Variants in ZNF345 observed in about 807,000 individuals in gnomAD.
ZNF345 encodes zinc finger protein HZF10.
For synonymous variants in ZNF345, 166 were observed against 187.9 expected (o/e 0.88, Z 0.95); for missense variants, 527 against 589.9 (o/e 0.89, Z 1.10).
chr19:36,876,546 C>G (rs2072884719), intron 2 of ZNF345, among the ~76,000 whole-genome samples: 1 of 152,122 alleles, frequency 6.6e-6, no homozygotes, highest in South Asian at 2.1e-4. Context: ...AATATCTAAA[C>G]TACTATTTAA....
chr19:36,861,119 T>C (rs2072537784), intron 2 of ZNF345, among the ~76,000 whole-genome samples: 1 of 152,222 alleles, frequency 6.6e-6, no homozygotes, highest in Admixed American at 6.5e-5. Flanking sequence ...ATACTCAAGT[T>C]GTCCCAGATT....
chr19:36,877,887 A>T lies in ZNF345; in HGVS notation c.1057A>T (p.Ser353Cys). Residue 353 changes from serine to cysteine, a missense_variant, in exon 3 of 3, where the codon AGT becomes TGT. Physicochemically the swap from Ser to Cys is moderately radical, Grantham distance 112. Transcript: ENST00000420450. ...TAAGGAATGTGGGAAGACCTTTAGT[A>T]GTGGTTCAGACCTTACTCAACATCA... Reference protein sequence around the residue: ...ECKECGKTFSSGSDLTQHHRI... With the variant: ...ECKECGKTFSCGSDLTQHHRI... 1 of 1,613,470 alleles carries T rather than the reference A, an allele frequency of 6.2e-7. No individual in the cohort carries two copies. Among genetic ancestry groups the T allele is most frequent in the Non-Finnish European group, 8.5e-7 (1 of 1,179,828 alleles).
intron 3 of ZNF345, chr19:36,892,426 C>T (rs188677477): frequency 2.1e-5 from 33 of 1,607,928 alleles, no homozygotes; most frequent in Non-Finnish European, 2.8e-5. Flanking sequence ...ACTGAAATGT[C>T]TCTTCTTTAG....
intron 2 of ZNF345, among the ~76,000 whole-genome samples, chr19:36,859,953 T>TG: frequency 6.6e-6 from 1 of 152,054 alleles, no homozygotes; most frequent in African/African-American, 2.4e-5. Flanking sequence ...GTTGCAGATT[T>TG]TTTTGTTTGT....
At chr19:36,852,877 GTT>G (rs974865014) in intron 2 of ZNF345, among the ~76,000 whole-genome samples, 1 of 137,620 alleles carries the variant, frequency 7.3e-6, no homozygotes. Context: ...TGTTTTTTTT[GTT>G]TTTTTTTTTT....
At chr19:36,872,056 C>G (rs539999927) in intron 2 of ZNF345, among the ~76,000 whole-genome samples, 1 of 152,118 alleles carries the variant, frequency 6.6e-6, no homozygotes, top group Admixed American at 6.5e-5. Context: ...CATGAGTCAC[C>G]ATGCCCGGCC....
chr19:36,862,574 G>A (rs1169257124), intron 2 of ZNF345, among the ~76,000 whole-genome samples: 1 of 141,056 alleles, frequency 7.1e-6, no homozygotes, highest in Non-Finnish European at 1.5e-5. Flanking sequence ...TGAAGCAGGA[G>A]AATCACTTGA....
intron 2 of ZNF345, among the ~76,000 whole-genome samples, chr19:36,866,044 T>C (rs2072652692): frequency 6.6e-6 from 1 of 152,188 alleles, no homozygotes; most frequent in Admixed American, 6.5e-5. Context: ...TTTTTAATTA[T>C]TTTATTCAGT....
chr19:36,859,109 T>C (rs902264376), intron 2 of ZNF345, among the ~76,000 whole-genome samples: 2 of 151,204 alleles, frequency 1.3e-5, no homozygotes, highest in African/African-American at 4.9e-5. Context: ...AAAAAAAAAC[T>C]TTCAAAAGCT....
At chr19:36,856,984 C>A (rs1005816799) in intron 2 of ZNF345, among the ~76,000 whole-genome samples, 4 of 151,926 alleles carry the variant, frequency 2.6e-5, no homozygotes, top group African/African-American at 9.7e-5. Flanking sequence ...GATATAACTA[C>A]CATCAAATTG....
In ZNF345 at chr19:36,877,159, G is replaced by T. The variant is rs1229493322; in HGVS notation, c.329G>T (p.Arg110Ile). 1.2e-6 allele frequency: 2 copies of T among 1,614,146 alleles called. No homozygotes were observed. The highest frequency in any genetic ancestry group is 1.7e-6 in the Non-Finnish European group (2 of 1,180,024). ...GGTGCAAACCTTGCTTACCATCAAA[G>T]AATTCATACTGGTGAGAAGCCTTTT... Reference protein sequence around the residue: ...GSGANLAYHQRIHTGEKPFEC... With the variant: ...GSGANLAYHQIIHTGEKPFEC... Residue 110 changes from arginine to isoleucine, a missense_variant, in exon 3 of 3, where the codon AGA (arginine) becomes ATA (isoleucine). Arg to Ile is a moderately conservative substitution (Grantham distance 97, BLOSUM62 -3). Transcript: ENST00000420450.
At chr19:36,853,919 A>C (rs1267534154) in intron 2 of ZNF345, among the ~76,000 whole-genome samples, 1 of 152,132 alleles carries the variant, frequency 6.6e-6, no homozygotes, top group Non-Finnish European at 1.5e-5. Context: ...GCTTGGTTCC[A>C]CCCAAACATC....
intron 2 of ZNF345, among the ~76,000 whole-genome samples, chr19:36,867,767 T>A (rs2072689141): frequency 6.6e-6 from 1 of 152,160 alleles, no homozygotes; most frequent in Non-Finnish European, 1.5e-5. Flanking sequence ...GTGGACTTAC[T>A]ATCCTTCTGG....
intron 2 of ZNF345, among the ~76,000 whole-genome samples, chr19:36,854,284 C>A (rs1193208788): frequency 6.7e-6 from 1 of 148,646 alleles, no homozygotes; most frequent in Admixed American, 6.7e-5. Flanking sequence ...CTGTCCTTGT[C>A]CCCCTCCTCC....
At chr19:36,887,178 C>T (rs535171916) in intron 3 of ZNF345, among the ~76,000 whole-genome samples, 151 of 149,696 alleles carry the variant, frequency 1.0e-3, no homozygotes, top group African/African-American at 3.7e-3. Flanking sequence ...AAAAACACCA[C>T]CACCACCACC....
chr19:36,872,108 ATTATT>A (rs1420513981), intron 2 of ZNF345, among the ~76,000 whole-genome samples: 1 of 152,156 alleles, frequency 6.6e-6, no homozygotes, highest in Admixed American at 6.5e-5. Flanking sequence ...ATCCAGGACA[ATTATT>A]TTATAGAATG....
intron 2 of ZNF345, among the ~76,000 whole-genome samples, chr19:36,855,374 A>T (rs1600687998): frequency 7.7e-6 from 1 of 129,450 alleles, no homozygotes; most frequent in Admixed American, 8.1e-5. Context: ...GGTCTTGATA[A>T]CCTGACCTCA....
rs1256731316 is a variant in ZNF345 at position 36,878,292 on chromosome 19, A to C, written c.1462A>C (p.Asn488His). The change falls in exon 3 of 3, where the codon AAT becomes CAT. Residue 488 changes from asparagine (N) to histidine (H), a missense_variant. Asn to His is a moderately conservative substitution (Grantham distance 68). Coordinates refer to ENST00000420450, the MANE Select transcript of ZNF345 (RefSeq NM_001242472.2). ...GAAACTCTGCGAATTGGAAACTATA[A>C]ATTGAAATTATGTGCTGAAGGAAGG... is the stretch of plus-strand genomic sequence containing the variant. ...GKKLCELETI[N>H] is the part of the protein sequence containing the mutation. 1 of 1,561,368 alleles carries C rather than the reference A, an allele frequency of 6.4e-7. No individual in the cohort carries two copies. Among genetic ancestry groups the C allele is most frequent in the Admixed American group, 2.0e-5 (1 of 49,816 alleles).
chr19:36,852,388 G>GCGCC (rs1401901769), intron 2 of ZNF345, among the ~76,000 whole-genome samples: 1 of 151,856 alleles, frequency 6.6e-6, no homozygotes. Context: ...CAAGGCGGGC[G>GCGCC]GATCACGAGG....
Sources: gnomAD v4.1 joint callset for allele counts (sites outside exome capture counted in the v4.1 genomes callset) on GRCh38, gnomAD v4.1.1 for gene constraint, MANE v1.5 for transcripts, NCBI Gene and HGNC (gene_info 2026-07-23, HGNC 2026-07-21) for gene names.